SASH1: variants seen among roughly 807,000 people sequenced by gnomAD.
SASH1 encodes the protein SAM and SH3 domain containing 1, also known as SAM and SH3 domain-containing protein 1.
Under a neutral mutation model 125.2 loss-of-function variants are expected in SASH1, and 44 were observed. The ratio of observed to expected loss-of-function variants is 0.35; its 90% CI spans 0.28 to 0.45. The LOEUF is 0.45. SASH1 is among the 20% of genes least tolerant of loss of function. The pLI, the probability that SASH1 is intolerant of heterozygous loss-of-function variation, is 1.00. For synonymous variants in SASH1, 639 were observed against 649.1 expected, an observed-to-expected ratio of 0.98 and a Z score of 0.24; for missense variants, 1,426 against 1,614.5, an observed-to-expected ratio of 0.88 and a Z score of 2.00.
intron 12 of SASH1, among the ~76,000 whole-genome samples, chr6:148,530,250 A>ATAAT (rs958602436): frequency 2.6e-4 from 39 of 152,358 alleles, no homozygotes; most frequent in Middle Eastern, 3.4e-3. Flanking sequence ...GAATAAATTA[A>ATAAT]TAATTTTTTA....
At chr6:148,272,418 G>A (rs973938161) in intron 1 of SASH1, 1 of 469,220 alleles carries the variant, frequency 2.1e-6, no homozygotes, top group Middle Eastern at 3.3e-4. Context: ...GACTGTTTTT[G>A]GTGCCTTCTG....
intron 1 of SASH1, among the ~76,000 whole-genome samples, chr6:148,371,442 A>G (rs1272023658): frequency 2.9e-5 from 4 of 136,792 alleles, no homozygotes; most frequent in Admixed American, 7.3e-5. Context: ...TTTTTTTTGT[A>G]TTTTTAGTAG....
At chr6:148,333,539 A>T (rs750937135) in intron 1 of SASH1, among the ~76,000 whole-genome samples, 2 of 152,162 alleles carry the variant, frequency 1.3e-5, no homozygotes, top group Non-Finnish European at 2.9e-5. Flanking sequence ...TTTGAGAAGC[A>T]CTGCTCTAGA....
At chr6:148,300,426 A>G (rs942845945) in intron 1 of SASH1, among the ~76,000 whole-genome samples, 3 of 142,164 alleles carry the variant, frequency 2.1e-5, no homozygotes, top group African/African-American at 7.9e-5. Flanking sequence ...CAACAACTTT[A>G]CCTCTCAGAA....
intron 1 of SASH1, among the ~76,000 whole-genome samples, chr6:148,334,427 C>CAA (rs1162225428): frequency 0.08 from 5,109 of 63,644 alleles, 265 homozygotes; most frequent in East Asian, 0.28. Flanking sequence ...GACTCCGTCT[C>CAA]AAAAAAAAAA....
At chr6:148,443,069 C>G (rs1776612520) in intron 4 of SASH1, among the ~76,000 whole-genome samples, 1 of 150,908 alleles carries the variant, frequency 6.6e-6, no homozygotes, top group African/African-American at 2.4e-5. Flanking sequence ...AGCCACCGTG[C>G]CAGCTGTATT....
chr6:148,543,664 T>C lies in SASH1; in HGVS notation c.2210-16T>C. The C allele has an allele frequency of 6.6e-7, 1 of 1,516,746 alleles. No individual in the cohort carries two copies. The highest frequency in any genetic ancestry group is 8.8e-7 in the Non-Finnish European group (1 of 1,133,330). The allele number at this position is 1,516,746 out of a possible 1,614,324, so 94.0% of individuals were successfully genotyped here. On this transcript the variant is annotated splice_polypyrimidine_tract_variant and intron_variant, in intron 17 of 19. Transcript: ENST00000367467. ...GCTTTTAAAATGTGATTGTAAAATA[T>C]TCCCTTGTCTCACAGGCAAGACTCG...
At chr6:148,225,245 C>T in the SASH1 span, among the ~76,000 whole-genome samples, 1 of 152,140 alleles carries the variant, frequency 6.6e-6, no homozygotes, top group Non-Finnish European at 1.5e-5. Context: ...AGGTTATGGA[C>T]AGAGTTACAC....
intron 1 of SASH1, among the ~76,000 whole-genome samples, chr6:148,297,225 T>C (rs988026235): frequency 6.6e-6 from 1 of 152,174 alleles, no homozygotes; most frequent in Non-Finnish European, 1.5e-5. Flanking sequence ...GGAGAGACCC[T>C]GTGGAGAGGG....
intron 7 of SASH1, among the ~76,000 whole-genome samples, chr6:148,475,904 TAAAA>T (rs1219767799): frequency 6.6e-6 from 1 of 151,950 alleles, no homozygotes; most frequent in Non-Finnish European, 1.5e-5. Flanking sequence ...TTAACAACAA[TAAAA>T]ATAAAATAGA....
At chr6:148,324,109 AAT>A (rs1422757367) in intron 1 of SASH1, among the ~76,000 whole-genome samples, 4 of 78,716 alleles carry the variant, frequency 5.1e-5, no homozygotes. Flanking sequence ...ACAGAGCAAG[AAT>A]CTGTCTCAAA....
chr6:148,340,052 A>G (rs1358956397), upstream of SASH1, among the ~76,000 whole-genome samples: 3 of 152,180 alleles, frequency 2.0e-5, no homozygotes, highest in Non-Finnish European at 2.9e-5. Context: ...TTGGTGCTGG[A>G]GAGTCAGGCT....
chr6:148,199,156 C>A, the SASH1 span, among the ~76,000 whole-genome samples: 675 of 152,210 alleles, frequency 4.4e-3, 4 homozygotes, highest in African/African-American at 0.016. Context: ...CCAAGGCAGG[C>A]GGATCACCTG....
At chr6:148,304,360 G>A (rs901674198) in intron 1 of SASH1, among the ~76,000 whole-genome samples, 16 of 151,918 alleles carry the variant, frequency 1.1e-4, no homozygotes, top group Non-Finnish European at 2.1e-4. Flanking sequence ...GTGTGAACCC[G>A]GGAGGCAGAG....
chr6:148,481,655 G>A (rs1194553913), intron 7 of SASH1, among the ~76,000 whole-genome samples: 2 of 152,104 alleles, frequency 1.3e-5, no homozygotes, highest in Non-Finnish European at 2.9e-5. Context: ...GAGAATGGCC[G>A]GTCAGTGGAG....
intron 4 of SASH1, among the ~76,000 whole-genome samples, chr6:148,442,914 C>T (rs1449722464): frequency 6.6e-6 from 1 of 151,930 alleles, no homozygotes; most frequent in Non-Finnish European, 1.5e-5. Context: ...GCTGAGATTA[C>T]AGGCACCCGC....
At chr6:148,464,915 A>G (rs191406982) in intron 4 of SASH1, among the ~76,000 whole-genome samples, 1 of 152,214 alleles carries the variant, frequency 6.6e-6, no homozygotes, top group Non-Finnish European at 1.5e-5. Flanking sequence ...CAAGATGAAT[A>G]AAGAAACTAC....
chr6:148,439,382 T>C (rs9390569), intron 2 of SASH1, among the ~76,000 whole-genome samples: 22,598 of 152,246 alleles, frequency 0.15, 1,853 homozygotes, highest in South Asian at 0.32. Context: ...AGTATAGTGA[T>C]TTTTAAGGCT....
chr6:148,374,402 A>G (rs557589841), intron 1 of SASH1, among the ~76,000 whole-genome samples: 2 of 152,328 alleles, frequency 1.3e-5, no homozygotes, highest in South Asian at 4.1e-4. Context: ...TGCTCTTTCA[A>G]AAAATTATGT....
Sources: gnomAD v4.1 joint callset for allele counts (sites outside exome capture counted in the v4.1 genomes callset) on GRCh38, gnomAD v4.1.1 for gene constraint, MANE v1.5 for transcripts, NCBI Gene and HGNC (gene_info 2026-07-23, HGNC 2026-07-21) for gene names.